ARNT2: variants seen among roughly 807,000 people sequenced by gnomAD.
The protein encoded by ARNT2 is aryl hydrocarbon receptor nuclear translocator 2, also known as ARNT protein 2.
In ARNT2, 36 loss-of-function variants were observed where a neutral mutation model predicts 91.7. The ratio of observed to expected loss-of-function variants is 0.39; its 90% CI spans 0.30 to 0.52. The LOEUF is 0.52. Among genes scored for constraint, ARNT2 ranks in the 20% least tolerant of loss-of-function variants. The probability of loss-of-function intolerance (pLI) is 0.72; values close to 1 mark genes in which losing one functional copy is unlikely to be tolerated. For missense variants in ARNT2, 775 were observed against 939.3 expected, an observed-to-expected ratio of 0.83 and a Z score of 2.29; for synonymous variants, 365 against 347.1, an observed-to-expected ratio of 1.05 and a Z score of -0.57.
At chr15:80,440,908 T>A (rs1306696321) in intron 1 of ARNT2, among the ~76,000 whole-genome samples, 3 of 152,244 alleles carry the variant, frequency 2.0e-5, no homozygotes, top group Admixed American at 1.3e-4. Context: ...ATTCTCAGTC[T>A]AATGATTTTC....
Position 80,561,882 on chromosome 15 carries a change from A to G in ARNT2, c.1165-1206A>G, listed in dbSNP as rs141429986. On this transcript the variant is annotated intron_variant, in intron 11 of 18. Coordinates refer to ENST00000303329, the MANE Select transcript of ARNT2 (RefSeq NM_014862.4). Reference sequence around the variant, plus strand: ...GCTGGCATATTGGTACAATTGTTCTATTTTATTATGAGTTGCTGTTAATCT... The same window carrying G: ...GCTGGCATATTGGTACAATTGTTCTGTTTTATTATGAGTTGCTGTTAATCT... Among the ~76,000 whole-genome samples, 355 of 152,218 alleles carry G rather than the reference A, an allele frequency of 2.3e-3. 2 individuals carry two copies. Among genetic ancestry groups the G allele is most frequent in the African/African-American group, 8.0e-3 (331 of 41,534 alleles).
At chr15:80,429,701 A>T (rs1895982677) in intron 1 of ARNT2, among the ~76,000 whole-genome samples, 1 of 152,090 alleles carries the variant, frequency 6.6e-6, no homozygotes, top group Non-Finnish European at 1.5e-5. Context: ...GTCGTGTGGG[A>T]TTGAGCCTGT....
At chr15:80,563,500 C>T (rs764387101) in intron 12 of ARNT2, among the ~76,000 whole-genome samples, 22 of 152,188 alleles carry the variant, frequency 1.4e-4, no homozygotes, top group Admixed American at 3.3e-4. Context: ...GCAAGGTGCT[C>T]CAGTTTCTGC....
chr15:80,575,060 C>T lies in ARNT2; in HGVS notation c.1463C>T (p.Ser488Phe). The change falls in exon 14 of 19, where the codon TCC (serine) becomes TTC (phenylalanine). Residue 488 changes from serine (S) to phenylalanine (F), a missense_variant. Coordinates refer to ENST00000303329, the MANE Select transcript of ARNT2 (RefSeq NM_014862.4). ...KSVEKADAIFSQERDPRFAEM... is the reference protein window; with the variant it reads ...KSVEKADAIFFQERDPRFAEM... ...GTGGAAAAGGCGGATGCAATCTTCTCCCAGGAAAGAGATCCTCGGTTTGCT... is the reference window on the plus strand; with the variant it reads ...GTGGAAAAGGCGGATGCAATCTTCTTCCAGGAAAGAGATCCTCGGTTTGCT... 6.2e-7 allele frequency: 1 copy of T among 1,614,196 alleles called. No individual in the cohort carries two copies. Among genetic ancestry groups the T allele is most frequent in the Non-Finnish European group, 8.5e-7 (1 of 1,180,038 alleles).
intron 12 of ARNT2, among the ~76,000 whole-genome samples, chr15:80,568,452 G>A (rs1213491101): frequency 1.3e-5 from 2 of 152,186 alleles, no homozygotes; most frequent in Non-Finnish European, 2.9e-5. Context: ...GTGTGTGTGT[G>A]CATGTGTTTT....
chr15:80,498,932 A>G (rs1386821197), intron 5 of ARNT2, among the ~76,000 whole-genome samples: 1 of 152,154 alleles, frequency 6.6e-6, no homozygotes, highest in Non-Finnish European at 1.5e-5. Context: ...GAAAAGTAGT[A>G]CAGGCTCTGC....
intron 6 of ARNT2, among the ~76,000 whole-genome samples, 183 bp from the exon 7 acceptor site, chr15:80,513,728 A>AG (rs1246521324): frequency 6.6e-6 from 1 of 151,708 alleles, no homozygotes; most frequent in East Asian, 1.9e-4. Context: ...TCACAAAAAA[A>AG]AAAAAAAAAA....
At chr15:80,508,042 A>G in intron 5 of ARNT2, 114 bp from the exon 6 acceptor site, 2 of 929,214 alleles carry the variant, frequency 2.2e-6, no homozygotes. Flanking sequence ...CAATTTGCAC[A>G]GCCACACTTG....
intron 17 of ARNT2, among the ~76,000 whole-genome samples, chr15:80,586,289 T>C (rs1237404321): frequency 1.3e-5 from 2 of 152,154 alleles, no homozygotes; most frequent in Admixed American, 6.5e-5. Context: ...TTTCCAGATA[T>C]ATTGTCTTGG....
intron 8 of ARNT2, among the ~76,000 whole-genome samples, chr15:80,525,302 T>C (rs74027822): frequency 0.017 from 2,653 of 152,298 alleles, 80 homozygotes; most frequent in African/African-American, 0.061. Context: ...ATGATGATAA[T>C]AGCATGCCTA....
At chr15:80,540,096 A>G (rs920888881) in intron 8 of ARNT2, among the ~76,000 whole-genome samples, 1 of 152,170 alleles carries the variant, frequency 6.6e-6, no homozygotes, top group Admixed American at 6.5e-5. Flanking sequence ...CCCCATGTTC[A>G]TTGCAGCACA....
intron 8 of ARNT2, among the ~76,000 whole-genome samples, chr15:80,527,013 G>C (rs568072593): frequency 1.8e-4 from 27 of 152,290 alleles, no homozygotes; most frequent in African/African-American, 6.5e-4. Flanking sequence ...GAGTACATCA[G>C]GTCTCTGCCT....
chr15:80,476,003 G>A (rs1310772743), intron 5 of ARNT2, among the ~76,000 whole-genome samples: 1 of 152,150 alleles, frequency 6.6e-6, no homozygotes, highest in African/African-American at 2.4e-5. Context: ...TGGTTTAGAA[G>A]AACAACACTC....
At chr15:80,534,996 A>G (rs1336590452) in intron 8 of ARNT2, among the ~76,000 whole-genome samples, 1 of 152,176 alleles carries the variant, frequency 6.6e-6, no homozygotes, top group Non-Finnish European at 1.5e-5. Context: ...AGACCCAACA[A>G]ATCAGGAAGA....
intron 2 of ARNT2, among the ~76,000 whole-genome samples, chr15:80,456,328 G>A (rs1165448728): frequency 1.3e-5 from 2 of 150,938 alleles, no homozygotes; most frequent in East Asian, 1.9e-4. Flanking sequence ...CTTTTTGTGC[G>A]TAGGTATTTC....
chr15:80,558,418 C>T (rs886746102), intron 11 of ARNT2, among the ~76,000 whole-genome samples: 1 of 149,870 alleles, frequency 6.7e-6, no homozygotes, highest in East Asian at 2.0e-4. Flanking sequence ...CGGCTCACTG[C>T]AACCTCCACC....
intron 12 of ARNT2, among the ~76,000 whole-genome samples, chr15:80,571,478 G>T (rs1173551506): frequency 6.6e-6 from 1 of 152,202 alleles, no homozygotes; most frequent in African/African-American, 2.4e-5. Context: ...CACAGTTGGT[G>T]CACCCTCTGC....
intron 1 of ARNT2, among the ~76,000 whole-genome samples, chr15:80,425,636 A>T (rs1895922000): frequency 6.6e-6 from 1 of 151,994 alleles, no homozygotes; most frequent in Non-Finnish European, 1.5e-5. Flanking sequence ...TTACATACAT[A>T]TGTGTGTGCC....
chr15:80,515,581 G>C, intron 8 of ARNT2, among the ~76,000 whole-genome samples: 1 of 152,130 alleles, frequency 6.6e-6, no homozygotes, highest in East Asian at 1.9e-4. Context: ...TGGTACTGCA[G>C]GGAAGAATGA....
Sources: allele counts gnomAD v4.1 joint callset (sites outside exome capture counted in the v4.1 genomes callset), GRCh38; gene constraint gnomAD v4.1.1; transcripts MANE v1.5; gene names NCBI Gene and HGNC (gene_info 2026-07-23, HGNC 2026-07-21).